Variants in PARVA observed in about 807,000 individuals in gnomAD.
The protein encoded by PARVA is parvin alpha.
PARVA carries 25 observed loss-of-function variants against 52.6 expected under a neutral mutation model. The ratio of observed to expected loss-of-function variants is 0.48; its 90% CI spans 0.35 to 0.66. The LOEUF (loss-of-function observed/expected upper bound fraction) is 0.66, where lower values mean the gene tolerates loss of function less well. Ranked by LOEUF, PARVA falls within the 30% of genes least tolerant of loss-of-function variation. The pLI is 0.01. For missense variants in PARVA, 373 were observed against 450.9 expected (o/e 0.83, Z 1.56); for synonymous variants, 185 against 179.1 (o/e 1.03, Z -0.26).
chr11:12,472,172 T>C (rs1308876718), intron 1 of PARVA, among the ~76,000 whole-genome samples: 2 of 152,162 alleles, frequency 1.3e-5, no homozygotes, highest in African/African-American at 4.8e-5. Context: ...AGGAGGAGGA[T>C]TGTCTTAGGC....
intron 1 of PARVA, among the ~76,000 whole-genome samples, chr11:12,406,506 ATTT>A (rs56101389): frequency 6.6e-6 from 1 of 150,648 alleles, no homozygotes; most frequent in African/African-American, 2.4e-5. Flanking sequence ...TTGTATTTTG[ATTT>A]TTTTTTTTAC....
At chr11:12,485,412 T>G (rs923104867) in intron 4 of PARVA, among the ~76,000 whole-genome samples, 4 of 152,074 alleles carry the variant, frequency 2.6e-5, no homozygotes, top group African/African-American at 9.7e-5. Flanking sequence ...ATTTTAGACC[T>G]GGGGCAGGGA....
chr11:12,440,516 A>G (rs1016740070), intron 1 of PARVA, among the ~76,000 whole-genome samples: 1 of 152,206 alleles, frequency 6.6e-6, no homozygotes, highest in Admixed American at 6.5e-5. Context: ...CAATCCATGT[A>G]TTATATCCCA....
intron 1 of PARVA, among the ~76,000 whole-genome samples, chr11:12,421,761 A>G (rs1445238567): frequency 6.6e-6 from 1 of 152,266 alleles, no homozygotes. Flanking sequence ...TATAGTTTGT[A>G]CACTCCATTC....
chr11:12,383,958 A>G (rs1482242236), intron 1 of PARVA, among the ~76,000 whole-genome samples: 1 of 152,156 alleles, frequency 6.6e-6, no homozygotes, highest in Non-Finnish European at 1.5e-5. Context: ...ATTTTCAGAT[A>G]GAAAATTGAG....
chr11:12,518,487 G>A lies in PARVA; in HGVS notation c.1012G>A (p.Gly338Arg). The A allele has an allele frequency of 3.1e-6, 5 of 1,613,788 alleles. No individual in the cohort carries two copies. The highest frequency in any genetic ancestry group is 4.2e-6 in the Non-Finnish European group (5 of 1,179,816). ...SFAFELMQDG[G>R]LEKPKPRPED... ...TGCCTTTGAGCTCATGCAAGATGGA[G>A]GGTTGGAAAAGCCAAAACCGCGGCC... Residue 338 changes from glycine to arginine, a missense_variant, in exon 12 of 13, where the codon GGG (glycine) becomes AGG (arginine). Transcript: ENST00000334956.
intron 1 of PARVA, among the ~76,000 whole-genome samples, chr11:12,401,088 C>A (rs372752723): frequency 1.6e-4 from 25 of 152,296 alleles, no homozygotes; most frequent in African/African-American, 4.8e-4. Flanking sequence ...TGTGCCACTG[C>A]GGCATGTAGT....
chr11:12,503,856 C>A (rs1242671982), intron 5 of PARVA, among the ~76,000 whole-genome samples: 1 of 152,142 alleles, frequency 6.6e-6, no homozygotes, highest in Admixed American at 6.5e-5. Flanking sequence ...CATGCATAGC[C>A]ATTAAGAAAG....
rs1036508861 is a variant in PARVA, at chr11:12,531,635, G to T, written c.*3710G>T. Among the ~76,000 whole-genome samples, 1 of 151,660 alleles carries T rather than the reference G, an allele frequency of 6.6e-6. No homozygotes were observed. Among genetic ancestry groups the T allele is most frequent in the East Asian group, 1.9e-4 (1 of 5,188 alleles). ...GCTGATCAAAACTAATTTGAGATCC[G>T]CTGCCTTTAATAGAGCTCCACCTCA... On this transcript the variant is annotated 3_prime_UTR_variant, in exon 13 of 13. Transcript: ENST00000334956.
intron 3 of PARVA, among the ~76,000 whole-genome samples, chr11:12,476,396 G>A (rs1034363660): frequency 6.6e-6 from 1 of 152,070 alleles, no homozygotes. Flanking sequence ...TTCAGATGAA[G>A]GTTTGAGGCC....
chr11:12,400,290 A>G (rs938799137), intron 1 of PARVA, among the ~76,000 whole-genome samples: 1 of 152,178 alleles, frequency 6.6e-6, no homozygotes, highest in African/African-American at 2.4e-5. Flanking sequence ...TTGAATTTCC[A>G]TGATTACCAG....
At chr11:12,467,356 A>G (rs1228224186) in intron 1 of PARVA, among the ~76,000 whole-genome samples, 1 of 152,102 alleles carries the variant, frequency 6.6e-6, no homozygotes, top group Non-Finnish European at 1.5e-5. Context: ...CCCAATCTGT[A>G]TACCTTTTAT....
At chr11:12,377,832 G>C (rs764641351) in intron 1 of PARVA, 49 bp downstream of exon 1, 2 of 1,413,620 alleles carry the variant, frequency 1.4e-6, no homozygotes, top group African/African-American at 3.0e-5. Context: ...CGGGGGTGCC[G>C]TAGGGGCCGA....
At chr11:12,462,758 G>C (rs1940800856) in intron 1 of PARVA, among the ~76,000 whole-genome samples, 1 of 152,200 alleles carries the variant, frequency 6.6e-6, no homozygotes, top group Non-Finnish European at 1.5e-5. Context: ...ACTTGTACTA[G>C]TGAGACAGAC....
chr11:12,437,557 T>C lies in PARVA; in HGVS notation c.137-36188T>C, dbSNP rs191718401. 5.3e-5 allele frequency among the ~76,000 whole-genome samples: 8 copies of C among 152,346 alleles called. No homozygotes were observed. In the East Asian group the frequency reaches 1.5e-3, roughly 29 times the overall value. Reference sequence around the variant, plus strand: ...CTTCATCTCTATATCCACTTTGTCTTGCACATCTTAGGTGCTCAGTGAAGG... The same window carrying C: ...CTTCATCTCTATATCCACTTTGTCTCGCACATCTTAGGTGCTCAGTGAAGG... On this transcript the variant is annotated intron_variant, in intron 1 of 12. Coordinates refer to ENST00000334956, the MANE Select transcript of PARVA (RefSeq NM_018222.5).
chr11:12,518,435 C>G lies in PARVA; in HGVS notation c.970-10C>G. On this transcript the variant is annotated splice_polypyrimidine_tract_variant and intron_variant, in intron 11 of 12. Coordinates refer to ENST00000334956, the MANE Select transcript of PARVA (RefSeq NM_018222.5). ...GCAATGGTACATGCTGTCTGCATCTCTCTTGCCAGGTCTTGAATGTCTCCT... is the reference window on the plus strand; with the variant it reads ...GCAATGGTACATGCTGTCTGCATCTGTCTTGCCAGGTCTTGAATGTCTCCT... 6.2e-7 allele frequency: 1 copy of G among 1,612,102 alleles called. No homozygotes were observed. Among genetic ancestry groups the G allele is most frequent in the Non-Finnish European group, 8.5e-7 (1 of 1,178,464 alleles).
At chr11:12,477,760 T>C in intron 3 of PARVA, 87 bp from the exon 4 acceptor site, 1 of 734,080 alleles carries the variant, frequency 1.4e-6, no homozygotes, top group African/African-American at 1.7e-5. Flanking sequence ...TGGATTTTAA[T>C]TGTTTAGGAT....
chr11:12,417,190 T>C (rs1379459028), intron 1 of PARVA, among the ~76,000 whole-genome samples: 2 of 152,204 alleles, frequency 1.3e-5, no homozygotes. Context: ...AATTTATTCT[T>C]AATAAATAGT....
intron 1 of PARVA, among the ~76,000 whole-genome samples, chr11:12,399,839 T>C (rs1939801040): frequency 6.6e-6 from 1 of 152,198 alleles, no homozygotes; most frequent in South Asian, 2.1e-4. Context: ...TTTTCCCTCA[T>C]TGTTGGAGCT....
Sources: gnomAD v4.1 joint callset for allele counts (sites outside exome capture counted in the v4.1 genomes callset) on GRCh38, gnomAD v4.1.1 for gene constraint, MANE v1.5 for transcripts, NCBI Gene and HGNC (gene_info 2026-07-23, HGNC 2026-07-21) for gene names.